The following TDRD1 variants were observed in gnomAD, a reference collection of about 807,000 sequenced individuals.
TDRD1 encodes tudor domain-containing protein 1.
In TDRD1, 37 loss-of-function variants were observed where a neutral mutation model predicts 140.6. The observed-to-expected ratio is 0.26, with a 90% CI of 0.20 to 0.35. The LOEUF (loss-of-function observed/expected upper bound fraction) is 0.35, where lower values mean the gene tolerates loss of function less well. Ranked by LOEUF, TDRD1 falls within the 10% of genes least tolerant of loss-of-function variation. The pLI is 1.00. For missense variants in TDRD1, 1,243 were observed against 1,393.0 expected, an observed-to-expected ratio of 0.89 and a Z score of 1.71; for synonymous variants, 506 against 475.7, an observed-to-expected ratio of 1.06 and a Z score of -0.83.
intron 25 of TDRD1, among the ~76,000 whole-genome samples, chr10:114,230,038 AGC>A (rs1282703278): frequency 6.6e-6 from 1 of 151,988 alleles, no homozygotes; most frequent in Non-Finnish European, 1.5e-5. Flanking sequence ...TCACCGTGTT[AGC>A]CAGGATGGTC....
intron 16 of TDRD1, 49 bp downstream of exon 16, chr10:114,214,163 G>A: frequency 1.3e-6 from 2 of 1,539,188 alleles, no homozygotes; most frequent in Non-Finnish European, 1.8e-6. Context: ...CATTGGCATA[G>A]ATAATAACTT....
chr10:114,213,376 C>A, exon 15 of TDRD1: 1 of 1,613,434 alleles, frequency 6.2e-7, no homozygotes, highest in Non-Finnish European at 8.5e-7. Flanking sequence ...ATTTGGACTC[C>A]AGAAGCTATT....
intron 4 of TDRD1, among the ~76,000 whole-genome samples, chr10:114,199,699 T>C (rs1043502171): frequency 6.6e-6 from 1 of 152,234 alleles, no homozygotes; most frequent in African/African-American, 2.4e-5. Flanking sequence ...AGAATTCACA[T>C]AAGTGGAATC....
chr10:114,179,866 G>C (rs2032893073), intron 1 of TDRD1: 1 of 152,180 alleles, frequency 6.6e-6, no homozygotes, highest in Admixed American at 6.5e-5. Context: ...TAGCTTTTCC[G>C]GGCCCTAGGG....
chr10:114,184,155 C>T (rs1055878389), intron 1 of TDRD1, among the ~76,000 whole-genome samples: 4 of 149,656 alleles, frequency 2.7e-5, no homozygotes, highest in Admixed American at 6.6e-5. Flanking sequence ...AAAATGCATA[C>T]TTATTTCAAT....
intron 1 of TDRD1, among the ~76,000 whole-genome samples, chr10:114,181,975 G>C (rs958659383): frequency 1.3e-5 from 2 of 152,150 alleles, no homozygotes; most frequent in Non-Finnish European, 2.9e-5. Flanking sequence ...GTAATGGTAT[G>C]ATAATTACAT....
At chr10:114,199,436 C>T (rs764186421) in intron 4 of TDRD1, 119 bp downstream of exon 4, 46 of 1,262,598 alleles carry the variant, frequency 3.6e-5, no homozygotes, top group Non-Finnish European at 4.4e-5. Flanking sequence ...GCCACACACC[C>T]GTCTCAGCCT....
At chr10:114,215,895 T>C (rs2035787293) in intron 16 of TDRD1, among the ~76,000 whole-genome samples, 1 of 152,226 alleles carries the variant, frequency 6.6e-6, no homozygotes, top group East Asian at 1.9e-4. Context: ...AGATACTCTA[T>C]ACATATGCTT....
intron 16 of TDRD1, among the ~76,000 whole-genome samples, chr10:114,216,155 C>T (rs1041637601): frequency 2.6e-5 from 4 of 152,184 alleles, no homozygotes; most frequent in East Asian, 1.9e-4. Flanking sequence ...GCACATTTGT[C>T]GCAACAAAGA....
Position 114,201,644 on chromosome 10 carries a change from A to G in TDRD1, c.635+129A>G, listed in dbSNP as rs567358294. On this transcript the variant is annotated intron_variant, in intron 5 of 25. Transcript: ENST00000251864. ...TTTCTTAAGCTCTATAACAAAGTGT[A>G]CAAATCTGAAGTGAACAGCTCTATG... The G allele has an allele frequency of 3.2e-4, 214 of 668,354 alleles. No individual in the cohort carries two copies. The East Asian group carries it at 5.2e-3, about 16-fold the overall frequency. The allele number at this position is 668,354 out of a possible 1,614,324, so 41.4% of individuals were successfully genotyped here.
intron 1 of TDRD1, among the ~76,000 whole-genome samples, chr10:114,183,227 C>T (rs960123682): frequency 9.2e-5 from 14 of 152,120 alleles, no homozygotes; most frequent in Non-Finnish European, 1.3e-4. Context: ...GAAAGACTCT[C>T]GGGTGTAACA....
At chr10:114,207,645 G>C (rs573527722) in intron 11 of TDRD1, among the ~76,000 whole-genome samples, 1 of 152,150 alleles carries the variant, frequency 6.6e-6, no homozygotes, top group African/African-American at 2.4e-5. Flanking sequence ...TGGTGCAATA[G>C]AGTGAGGAAG....
intron 11 of TDRD1, among the ~76,000 whole-genome samples, chr10:114,209,758 GA>G (rs2035364389): frequency 6.6e-6 from 1 of 152,176 alleles, no homozygotes; most frequent in Non-Finnish European, 1.5e-5. Flanking sequence ...GGTTCATGGT[GA>G]GAACCATTTC....
intron 23 of TDRD1, 27 bp downstream of exon 23, chr10:114,227,326 CAG>C (rs2036494172): frequency 6.8e-7 from 1 of 1,479,220 alleles, no homozygotes; most frequent in East Asian, 2.3e-5. Flanking sequence ...TTATTAATAA[CAG>C]ATGTTAAGTG....
At chr10:114,179,621 G>C (rs574949387) in intron 1 of TDRD1, 1 of 152,318 alleles carries the variant, frequency 6.6e-6, no homozygotes, top group South Asian at 2.1e-4. Flanking sequence ...TTTGGAAATA[G>C]CGCTTCCAGG....
chr10:114,220,419 T>G, intron 18 of TDRD1, 149 bp from the exon 19 acceptor site: 1 of 609,856 alleles, frequency 1.6e-6, no homozygotes, highest in South Asian at 2.0e-5. Flanking sequence ...AAGTCAGGCA[T>G]GCAGGATGTA....
intron 21 of TDRD1, among the ~76,000 whole-genome samples, chr10:114,223,482 G>A (rs192103654): frequency 6.6e-6 from 1 of 152,328 alleles, no homozygotes; most frequent in East Asian, 1.9e-4. Flanking sequence ...TCTCACAAAG[G>A]CATTTTTGTG....
intron 21 of TDRD1, among the ~76,000 whole-genome samples, chr10:114,224,753 A>G (rs905405495): frequency 6.6e-6 from 1 of 152,000 alleles, no homozygotes; most frequent in African/African-American, 2.4e-5. Flanking sequence ...TTCTCCAAGG[A>G]TATTACTGTC....
chr10:114,227,701 A>G (rs1286549323), intron 23 of TDRD1, among the ~76,000 whole-genome samples: 1 of 152,246 alleles, frequency 6.6e-6, no homozygotes, highest in Admixed American at 6.5e-5. Flanking sequence ...GAGATGATTG[A>G]CAACCAAAAC....
Sources: gnomAD v4.1 joint callset for allele counts (sites outside exome capture counted in the v4.1 genomes callset) on GRCh38, gnomAD v4.1.1 for gene constraint, MANE v1.5 for transcripts, NCBI Gene and HGNC (gene_info 2026-07-23, HGNC 2026-07-21) for gene names.